The following CHRM3 variants were observed in gnomAD, a reference collection of about 807,000 sequenced individuals.
The protein encoded by CHRM3 is muscarinic acetylcholine receptor M3.
In CHRM3, 11 loss-of-function variants were observed where a neutral mutation model predicts 41.8. The ratio of observed to expected loss-of-function variants is 0.26; its 90% confidence interval spans 0.17 to 0.44. CHRM3 has a LOEUF of 0.44. CHRM3 is among the 20% of genes least tolerant of loss of function. The pLI is 1.00. For synonymous variants in CHRM3, 297 were observed against 301.4 expected (o/e 0.99, Z 0.15); for missense variants, 571 against 745.4 (o/e 0.77, Z 2.72).
At chr1:239,596,157 A>G (rs913157660) in intron 3 of CHRM3, among the ~76,000 whole-genome samples, 1 of 152,176 alleles carries the variant, frequency 6.6e-6, no homozygotes, top group Non-Finnish European at 1.5e-5. Flanking sequence ...TAACCTCTCT[A>G]AGGCTGCCTG....
At position 239,435,457 on chromosome 1, in the gene CHRM3, TAA is replaced by T. The variant is rs199621116; in HGVS notation, c.-521+48246_-521+48247del. Reference sequence around the variant, plus strand: ...GAGCGAGACTCTCTCTCATAAAATTTAAAAAAAAAAAAAAAAAGAAGAAAAAA... The same window carrying T: ...GAGCGAGACTCTCTCTCATAAAATTTAAAAAAAAAAAAAAAGAAGAAAAAA... On this transcript the variant is annotated intron_variant, in intron 1 of 6. Coordinates refer to ENST00000676153, the MANE Select transcript of CHRM3 (RefSeq NM_001375978.1). Among the ~76,000 whole-genome samples the T allele has an allele frequency of 9.8e-3, 1,331 of 136,204 alleles. 22 individuals carry two copies. The highest frequency in any genetic ancestry group is 0.031 in the African/African-American group (1,153 of 37,024). 89.4% of individuals were successfully genotyped at this position (136,204 alleles called of 152,430 possible).
chr1:239,537,441 A>G (rs771882943), intron 2 of CHRM3, among the ~76,000 whole-genome samples: 1 of 151,874 alleles, frequency 6.6e-6, no homozygotes. Context: ...AAACAGCCAG[A>G]TTACTATCGA....
chr1:239,709,410 C>G lies in CHRM3; in HGVS notation c.-147+31122C>G, dbSNP rs151051927. Among the ~76,000 whole-genome samples the G allele has an allele frequency of 9.9e-5, 15 of 152,264 alleles. No homozygotes were observed. In the East Asian group the frequency reaches 2.9e-3, roughly 29 times the overall value. ...GACAATCACTCATTGTACCCACCTA[C>G]CCTGCTTTGTTTTTTTCCGTAAAGC... On this transcript the variant is annotated intron_variant, in intron 5 of 6. Coordinates refer to ENST00000676153, the MANE Select transcript of CHRM3 (RefSeq NM_001375978.1).
intron 5 of CHRM3, among the ~76,000 whole-genome samples, chr1:239,728,512 T>C (rs913855773): frequency 1.5e-4 from 23 of 152,028 alleles, no homozygotes; most frequent in African/African-American, 5.1e-4. Flanking sequence ...GCCTATATAT[T>C]GTAAGTTCAC....
intron 1 of CHRM3, among the ~76,000 whole-genome samples, chr1:239,403,978 AG>A (rs1660209256): frequency 3.1e-5 from 1 of 32,472 alleles, no homozygotes; most frequent in Non-Finnish European, 8.1e-5. Flanking sequence ...AGGGAGGGGG[AG>A]AGAGAGAGAG....
At chr1:239,460,869 A>C (rs1458519202) in intron 1 of CHRM3, among the ~76,000 whole-genome samples, 1 of 152,230 alleles carries the variant, frequency 6.6e-6, no homozygotes, top group African/African-American at 2.4e-5. Context: ...AGACAAATGT[A>C]TAGTGATTCC....
At chr1:239,639,860 T>G (rs1670908231) in intron 4 of CHRM3, among the ~76,000 whole-genome samples, 1 of 145,724 alleles carries the variant, frequency 6.9e-6, no homozygotes, top group Admixed American at 6.9e-5. Context: ...AAGGGAATGC[T>G]TCCAGTTTTT....
At chr1:239,493,354 A>G (rs1007713839) in intron 2 of CHRM3, among the ~76,000 whole-genome samples, 10 of 152,282 alleles carry the variant, frequency 6.6e-5, no homozygotes, top group African/African-American at 2.4e-4. Context: ...GCTAAACTAG[A>G]CACAATAGAC....
At chr1:239,426,593 G>GAGCT (rs1180536084) in intron 1 of CHRM3, among the ~76,000 whole-genome samples, 15 of 151,998 alleles carry the variant, frequency 9.9e-5, no homozygotes, top group African/African-American at 3.6e-4. Flanking sequence ...AAGTGACAGA[G>GAGCT]AGCTATTTGT....
chr1:239,484,963 G>A (rs1023131518), intron 1 of CHRM3, among the ~76,000 whole-genome samples: 11 of 152,126 alleles, frequency 7.2e-5, no homozygotes, highest in African/African-American at 2.7e-4. Context: ...ACATTTTTAT[G>A]AGCCTATACT....
intron 4 of CHRM3, among the ~76,000 whole-genome samples, chr1:239,647,262 C>T (rs1332041589): frequency 6.6e-6 from 1 of 152,128 alleles, no homozygotes. Flanking sequence ...CACATCACTC[C>T]AACTGTGGTT....
At chr1:239,737,213 C>T (rs1292238042) in intron 5 of CHRM3, among the ~76,000 whole-genome samples, 1 of 152,124 alleles carries the variant, frequency 6.6e-6, no homozygotes, top group African/African-American at 2.4e-5. Flanking sequence ...ATTTTCATCC[C>T]ACATTTTAAT....
chr1:239,758,711 T>A (rs1480194550), intron 5 of CHRM3, among the ~76,000 whole-genome samples: 1 of 152,238 alleles, frequency 6.6e-6, no homozygotes, highest in Non-Finnish European at 1.5e-5. Flanking sequence ...AAAGGAAAGG[T>A]TATTTTTTAT....
chr1:239,534,489 G>A (rs542022168), intron 2 of CHRM3, among the ~76,000 whole-genome samples: 2 of 152,186 alleles, frequency 1.3e-5, no homozygotes, highest in Non-Finnish European at 2.9e-5. Context: ...TTAATGTCAT[G>A]TAACTCTGTA....
At chr1:239,477,793 A>C (rs2147980519) in intron 1 of CHRM3, among the ~76,000 whole-genome samples, 1 of 152,312 alleles carries the variant, frequency 6.6e-6, no homozygotes, top group South Asian at 2.1e-4. Context: ...CTGAGTGCAA[A>C]GCAGAAGAGT....
rs1320786277 is a variant in CHRM3, at chr1:239,908,706, A to T, written c.1255A>T (p.Ser419Cys). The T allele has an allele frequency of 3.1e-6, 5 of 1,613,104 alleles. No individual in the cohort carries two copies. Among genetic ancestry groups the T allele is most frequent in the African/African-American group, 1.3e-5 (1 of 74,880 alleles). ...QAQKSVDDGG[S>C]FPKSFSKLPI... is the part of the protein sequence containing the mutation. Reference sequence around the variant, plus strand: ...CCAGAAGAGCGTGGACGATGGAGGCAGTTTTCCAAAAAGCTTCTCCAAGCT... The same window carrying T: ...CCAGAAGAGCGTGGACGATGGAGGCTGTTTTCCAAAAAGCTTCTCCAAGCT... The change falls in exon 7 of 7, where the codon AGT (serine) becomes TGT (cysteine). Residue 419 changes from serine to cysteine, a missense_variant. Physicochemically the swap from Ser to Cys is moderately radical, Grantham distance 112. Coordinates refer to ENST00000676153, the MANE Select transcript of CHRM3 (RefSeq NM_001375978.1). The surrounding 1 kb of genome is among the most constrained non-coding windows in gnomAD (Gnocchi z 7.2).
At chr1:239,725,480 A>G (rs1017750256) in intron 5 of CHRM3, among the ~76,000 whole-genome samples, 3 of 151,956 alleles carry the variant, frequency 2.0e-5, no homozygotes, top group South Asian at 2.1e-4. Context: ...GTTGCTGGAC[A>G]TGCCTGATGT....
At chr1:239,638,510 C>A (rs1670735617) in intron 4 of CHRM3, among the ~76,000 whole-genome samples, 1 of 152,126 alleles carries the variant, frequency 6.6e-6, no homozygotes, top group Non-Finnish European at 1.5e-5. Context: ...TCTCTGATGG[C>A]CAGTGATGAT....
intron 3 of CHRM3, among the ~76,000 whole-genome samples, chr1:239,595,783 G>A (rs552145773): frequency 6.6e-6 from 1 of 151,964 alleles, no homozygotes; most frequent in East Asian, 1.9e-4. Context: ...GTATACCAGG[G>A]GAATATATTC....
Sources: allele counts gnomAD v4.1 joint callset (sites outside exome capture counted in the v4.1 genomes callset), GRCh38; gene constraint gnomAD v4.1.1; non-coding constraint Gnocchi (gnomAD v3.1); transcripts MANE v1.5; gene names NCBI Gene and HGNC (gene_info 2026-07-23, HGNC 2026-07-21).